Variants in FBXW7 observed in about 807,000 individuals in gnomAD.
FBXW7 encodes F-box and WD repeat domain containing 7, also known as F-box/WD repeat-containing protein 7.
FBXW7 carries 11 observed loss-of-function variants against 86.3 expected under a neutral mutation model. That is an observed-to-expected ratio of 0.13 (90% CI 0.08 to 0.21). The LOEUF (loss-of-function observed/expected upper bound fraction) is 0.21. Among genes scored for constraint, FBXW7 ranks in the 10% least tolerant of loss-of-function variants. FBXW7 has a pLI of 1.00. For missense variants in FBXW7, 488 were observed against 847.4 expected (o/e 0.58, Z 5.27); for synonymous variants, 313 against 297.9 (o/e 1.05, Z -0.52).
chr4:152,448,000 A>G (rs1430694028), intron 2 of FBXW7, among the ~76,000 whole-genome samples: 3 of 152,262 alleles, frequency 2.0e-5, no homozygotes, highest in Admixed American at 2.0e-4. Context: ...TGAATGAAAT[A>G]ATATATAATC....
chr4:152,408,276 T>C (rs934490318), intron 4 of FBXW7, among the ~76,000 whole-genome samples: 2 of 152,198 alleles, frequency 1.3e-5, no homozygotes, highest in Non-Finnish European at 1.5e-5. Context: ...AGAAAATTAG[T>C]TGATATTCTG....
chr4:152,333,486 A>G (rs1257679697), intron 7 of FBXW7, among the ~76,000 whole-genome samples: 1 of 152,066 alleles, frequency 6.6e-6, no homozygotes, highest in Non-Finnish European at 1.5e-5. Flanking sequence ...AAGAGAAAAA[A>G]AAAGAAAGAA....
chr4:152,495,075 G>C (rs896807980), intron 2 of FBXW7, among the ~76,000 whole-genome samples: 1 of 152,222 alleles, frequency 6.6e-6, no homozygotes, highest in South Asian at 2.1e-4. Flanking sequence ...TCCTAACACT[G>C]TATCAGATCA....
At chr4:152,471,807 G>A (rs568380630) in intron 2 of FBXW7, among the ~76,000 whole-genome samples, 3 of 152,128 alleles carry the variant, frequency 2.0e-5, no homozygotes, top group Non-Finnish European at 4.4e-5. Flanking sequence ...GGCTGAAGCA[G>A]GAGGACTGCT....
At chr4:152,456,303 C>A (rs1226746124) in intron 2 of FBXW7, among the ~76,000 whole-genome samples, 2 of 142,298 alleles carry the variant, frequency 1.4e-5, no homozygotes, top group African/African-American at 5.2e-5. Context: ...GGCTTGAGGC[C>A]AGAAGTTTGA....
chr4:152,516,079 T>C (rs1044595009), intron 2 of FBXW7, among the ~76,000 whole-genome samples: 1 of 152,160 alleles, frequency 6.6e-6, no homozygotes, highest in African/African-American at 2.4e-5. Flanking sequence ...TCAGAAGAGA[T>C]AGGAGCCCCG....
chr4:152,491,101 C>T (rs1745806174), intron 2 of FBXW7, among the ~76,000 whole-genome samples: 1 of 152,130 alleles, frequency 6.6e-6, no homozygotes, highest in Non-Finnish European at 1.5e-5. Context: ...ACAGGACTTT[C>T]CGGATATAGT....
At chr4:152,349,436 C>T (rs1490347618) in intron 5 of FBXW7, among the ~76,000 whole-genome samples, 1 of 151,836 alleles carries the variant, frequency 6.6e-6, no homozygotes, top group Non-Finnish European at 1.5e-5. Flanking sequence ...AGCCTAATAA[C>T]TGTGAGAGTG....
At position 152,323,142 on chromosome 4, in the gene FBXW7, G is replaced by T; in HGVS notation, c.1863C>A (p.Asn621Lys). The part of the protein sequence containing the change: ...GQCLQTLQGP[N>K]KHQSAVTCLQ... Reference sequence around the variant, plus strand: ...AACAGGTCACAGCACTCTGATGCTTGTTGGGACCTAGACAAAAACCAAAAG... The same window carrying T: ...AACAGGTCACAGCACTCTGATGCTTTTTGGGACCTAGACAAAAACCAAAAG... Residue 621 changes from asparagine (N) to lysine (K), a missense_variant, in exon 14 of 14, where the codon AAC (asparagine) becomes AAA (lysine). Asn to Lys is a moderately conservative substitution (Grantham distance 94). Transcript: ENST00000281708. The T allele has an allele frequency of 3.1e-6, 5 of 1,612,660 alleles. No homozygotes were observed. The highest frequency in any genetic ancestry group is 4.2e-6 in the Non-Finnish European group (5 of 1,178,978).
At chr4:152,478,627 T>C (rs1329779249) in intron 2 of FBXW7, among the ~76,000 whole-genome samples, 1 of 152,154 alleles carries the variant, frequency 6.6e-6, no homozygotes, top group African/African-American at 2.4e-5. Flanking sequence ...ATCAAACTTT[T>C]TGAAGAACTG....
intron 2 of FBXW7, among the ~76,000 whole-genome samples, chr4:152,446,959 T>C (rs1331245927): frequency 1.3e-5 from 2 of 152,232 alleles, no homozygotes; most frequent in Non-Finnish European, 2.9e-5. Context: ...AGAGAGTCTA[T>C]AAACTTTTTA....
At position 152,411,586 on chromosome 4, in the gene FBXW7, T is replaced by A; in HGVS notation, c.218A>T (p.Gln73Leu). 6.2e-7 allele frequency: 1 copy of A among 1,613,918 alleles called. No homozygotes were observed. Among genetic ancestry groups the A allele is most frequent in the Non-Finnish European group, 8.5e-7 (1 of 1,179,876 alleles). ...EPRPGGQNDS[Q>L]QGQLEENNNR... is the part of the protein sequence containing the mutation. ...ATTGTTTTCTTCCAACTGTCCTTGCTGGGAATCATTTTGGCCTCCAGGTCT... is the reference window on the plus strand; with the variant it reads ...ATTGTTTTCTTCCAACTGTCCTTGCAGGGAATCATTTTGGCCTCCAGGTCT... The change falls in exon 4 of 14, where the codon CAG (glutamine) becomes CTG (leucine). Residue 73 changes from glutamine (Q) to leucine (L), a missense_variant. By Grantham distance (113) the Gln-to-Leu change is moderately radical (BLOSUM62 -2). Transcript: ENST00000281708.
chr4:152,332,821 A>G (rs1192118499), intron 7 of FBXW7, 102 bp from the exon 8 acceptor site: 1 of 516,528 alleles, frequency 1.9e-6, no homozygotes, highest in Non-Finnish European at 2.6e-6. Flanking sequence ...GATAAATATA[A>G]TTCTGCACTC....
chr4:152,359,717 C>CA (rs1462192179), intron 4 of FBXW7, among the ~76,000 whole-genome samples: 4 of 151,968 alleles, frequency 2.6e-5, no homozygotes, highest in Non-Finnish European at 5.9e-5. Context: ...GAGCTGAGAT[C>CA]GTGCCGTTGC....
In FBXW7 at chr4:152,535,356, GGGGGCCGGCGACTGGCCAA is replaced by G; in HGVS notation, c.-461_-443del. On this transcript the variant is annotated 5_prime_UTR_variant, in exon 1 of 14. It removes the in-frame stop codon of an upstream open reading frame in the 5' UTR. Coordinates refer to ENST00000281708, the MANE Select transcript of FBXW7 (RefSeq NM_001349798.2). ...CTCCCGGAGTCCAGCCAAGGAGCCG[GGGGGCCGGCGACTGGCCAA>G]GGGAGAAGACCCCCGGAGGGGGCTG... The G allele has an allele frequency of 2.7e-6, 1 of 371,452 alleles. No individual in the cohort carries two copies. Among genetic ancestry groups the G allele is most frequent in the East Asian group, 3.8e-5 (1 of 26,330 alleles). 23.0% of individuals were successfully genotyped at this position (371,452 alleles called of 1,614,324 possible).
rs180936836 is a variant in FBXW7 at position 152,402,310 on chromosome 4, A to G, written c.501+8993T>C. ...TAATTAGGTTATCAGGGTACCTGAT[A>G]ACACAATAAATATTATTAGGCAATA... On this transcript the variant is annotated intron_variant, in intron 4 of 13. Coordinates refer to ENST00000281708, the MANE Select transcript of FBXW7 (RefSeq NM_001349798.2). 3.3e-4 allele frequency among the ~76,000 whole-genome samples: 50 copies of G among 152,332 alleles called. No homozygotes were observed. The East Asian group carries it at 9.4e-3, about 29-fold the overall frequency.
intron 7 of FBXW7, among the ~76,000 whole-genome samples, chr4:152,334,273 A>G (rs969447431): frequency 6.6e-6 from 1 of 152,200 alleles, no homozygotes; most frequent in African/African-American, 2.4e-5. Flanking sequence ...AGGTGTAACT[A>G]TATTCAACAA....
intron 2 of FBXW7, among the ~76,000 whole-genome samples, chr4:152,469,642 G>T (rs966899060): frequency 6.6e-6 from 1 of 152,062 alleles, no homozygotes; most frequent in Non-Finnish European, 1.5e-5. Flanking sequence ...AAAATCTCAA[G>T]TAGGGGAAAT....
intron 2 of FBXW7, among the ~76,000 whole-genome samples, chr4:152,522,086 G>C (rs968066074): frequency 6.6e-6 from 1 of 152,080 alleles, no homozygotes; most frequent in Non-Finnish European, 1.5e-5. Flanking sequence ...GACTTGGTGA[G>C]TAATAAAACA....
Sources: allele counts gnomAD v4.1 joint callset (sites outside exome capture counted in the v4.1 genomes callset), GRCh38; gene constraint gnomAD v4.1.1; transcripts MANE v1.5; gene names NCBI Gene and HGNC (gene_info 2026-07-23, HGNC 2026-07-21).